DGKB: variants seen among roughly 807,000 people sequenced by gnomAD.
DGKB encodes the protein diacylglycerol kinase beta.
A neutral mutation model predicts 114.3 loss-of-function variants in DGKB; 67 were observed. That is an observed-to-expected ratio of 0.59 (90% CI 0.48 to 0.72). The LOEUF (loss-of-function observed/expected upper bound fraction) is 0.72. Ranked by LOEUF, DGKB falls within the 30% of genes least tolerant of loss-of-function variation. The pLI, the probability that DGKB is intolerant of heterozygous loss-of-function variation, is 0.00. For missense variants in DGKB, 907 were observed against 975.2 expected, an observed-to-expected ratio of 0.93 and a Z score of 0.93; for synonymous variants, 398 against 323.1, an observed-to-expected ratio of 1.23 and a Z score of -2.49.
intron 1 of DGKB, among the ~76,000 whole-genome samples, chr7:14,912,024 C>T (rs1784028265): frequency 6.6e-6 from 1 of 152,164 alleles, no homozygotes; most frequent in African/African-American, 2.4e-5. Context: ...TTGTTTGCTT[C>T]TACTCAGTGT....
chr7:14,371,015 A>G (rs1817542651), intron 21 of DGKB, among the ~76,000 whole-genome samples: 1 of 152,144 alleles, frequency 6.6e-6, no homozygotes, highest in South Asian at 2.1e-4. Context: ...TTATCACTGC[A>G]TAGTATTCCT....
chr7:14,710,893 C>G (rs573728674), intron 6 of DGKB, among the ~76,000 whole-genome samples: 11 of 152,100 alleles, frequency 7.2e-5, no homozygotes, highest in Admixed American at 2.0e-4. Flanking sequence ...ACATATATAA[C>G]TGTACTTGAT....
chr7:14,156,649 T>G (rs973612913), intron 25 of DGKB, among the ~76,000 whole-genome samples: 1 of 152,186 alleles, frequency 6.6e-6, no homozygotes, highest in African/African-American at 2.4e-5. Context: ...GGCCATAATT[T>G]GCTGACCCTT....
At chr7:14,509,970 T>C (rs1787737636) in intron 20 of DGKB, among the ~76,000 whole-genome samples, 1 of 152,114 alleles carries the variant, frequency 6.6e-6, no homozygotes, top group African/African-American at 2.4e-5. Context: ...GGTCAGGAGA[T>C]GGAGACCATC....
At chr7:14,934,540 A>G (rs1785181788) in intron 1 of DGKB, among the ~76,000 whole-genome samples, 1 of 152,130 alleles carries the variant, frequency 6.6e-6, no homozygotes, top group Non-Finnish European at 1.5e-5. Context: ...TACAAAGTAG[A>G]CTTCAAACTA....
chr7:14,453,066 T>G (rs186429401), intron 21 of DGKB, among the ~76,000 whole-genome samples: 1 of 152,186 alleles, frequency 6.6e-6, no homozygotes, highest in Non-Finnish European at 1.5e-5. Flanking sequence ...ACACATATAG[T>G]GATTACTACG....
At chr7:14,905,015 T>G (rs1345261805), upstream of DGKB, among the ~76,000 whole-genome samples, 1 of 152,152 alleles carries the variant, frequency 6.6e-6, no homozygotes, top group African/African-American at 2.4e-5. Flanking sequence ...TAGCAGGGTT[T>G]TCTTTTTGAT....
chr7:14,895,111 G>T (rs1003042663), intron 1 of DGKB, among the ~76,000 whole-genome samples: 1 of 151,536 alleles, frequency 6.6e-6, no homozygotes, highest in Non-Finnish European at 1.5e-5. Flanking sequence ...GGCAAGAGAA[G>T]TTACTAAGCA....
intron 21 of DGKB, among the ~76,000 whole-genome samples, chr7:14,376,363 C>T (rs1818483952): frequency 6.6e-6 from 1 of 152,178 alleles, no homozygotes; most frequent in Admixed American, 6.5e-5. Context: ...ATCCATCATG[C>T]TGTTTTTAAA....
intron 6 of DGKB, among the ~76,000 whole-genome samples, chr7:14,713,315 A>G (rs181737364): frequency 1.4e-3 from 219 of 152,238 alleles, no homozygotes; most frequent in Non-Finnish European, 2.5e-3. Context: ...TGTTATTAAT[A>G]TAAACAATGT....
intron 21 of DGKB, among the ~76,000 whole-genome samples, chr7:14,357,663 C>A (rs529998238): frequency 2.0e-5 from 3 of 152,122 alleles, no homozygotes; most frequent in African/African-American, 7.2e-5. Flanking sequence ...TTATTTTGCC[C>A]GTTAGTTGAT....
chr7:14,488,888 A>C (rs1318085053), intron 20 of DGKB, among the ~76,000 whole-genome samples: 1 of 150,872 alleles, frequency 6.6e-6, no homozygotes, highest in Admixed American at 6.6e-5. Flanking sequence ...CAACAACAAA[A>C]ATTATTTTCT....
In DGKB at chr7:14,823,434, A is replaced by G. The variant is rs73680332; in HGVS notation, c.70+17760T>C. 7.1e-3 allele frequency among the ~76,000 whole-genome samples: 1,088 copies of G among 152,212 alleles called. 15 individuals carry two copies. The highest frequency in any genetic ancestry group is 0.025 in the African/African-American group (1,055 of 41,556). On this transcript the variant is annotated intron_variant, in intron 2 of 25. Coordinates refer to ENST00000402815, the MANE Select transcript of DGKB (RefSeq NM_001350709.2). ...AGAGAAAACACAGTTATTGTAACATATTATTCAAGGTAAAAATCACTAAGA... is the reference window on the plus strand; with the variant it reads ...AGAGAAAACACAGTTATTGTAACATGTTATTCAAGGTAAAAATCACTAAGA...
chr7:14,471,443 C>G (rs1307560808), intron 21 of DGKB, among the ~76,000 whole-genome samples: 1 of 141,588 alleles, frequency 7.1e-6, no homozygotes, highest in Non-Finnish European at 1.5e-5. Context: ...TATATTTAGT[C>G]TTCAGTTCAA....
chr7:14,672,295 A>G (rs1052111280), intron 13 of DGKB, among the ~76,000 whole-genome samples: 3 of 152,096 alleles, frequency 2.0e-5, no homozygotes, highest in African/African-American at 7.2e-5. Context: ...TTAATTTTCA[A>G]AGTAATTTGG....
intron 2 of DGKB, among the ~76,000 whole-genome samples, chr7:14,828,248 G>C (rs772638635): frequency 6.6e-6 from 1 of 152,078 alleles, no homozygotes; most frequent in Non-Finnish European, 1.5e-5. Flanking sequence ...ATAGCCTAGT[G>C]CCAAGCTCTG....
chr7:14,552,036 G>C (rs1210847209), intron 20 of DGKB, among the ~76,000 whole-genome samples: 1 of 151,892 alleles, frequency 6.6e-6, no homozygotes, highest in Admixed American at 6.6e-5. Flanking sequence ...TCTCTTTTTG[G>C]AGGGCTAAAT....
chr7:14,567,594 G>GATATATAT (rs577240186), intron 20 of DGKB, among the ~76,000 whole-genome samples: 27 of 98,440 alleles, frequency 2.7e-4, no homozygotes, highest in African/African-American at 6.7e-4. Flanking sequence ...TATAAATAAA[G>GATATATAT]ATATATATAT....
chr7:14,974,059 G>A (rs1281232318), intron 1 of DGKB, among the ~76,000 whole-genome samples: 2 of 151,784 alleles, frequency 1.3e-5, no homozygotes, highest in Non-Finnish European at 2.9e-5. Context: ...ACATTACTGG[G>A]AAAATTGCCA....
Sources: allele counts gnomAD v4.1 joint callset (sites outside exome capture counted in the v4.1 genomes callset), GRCh38; gene constraint gnomAD v4.1.1; transcripts MANE v1.5; gene names NCBI Gene and HGNC (gene_info 2026-07-23, HGNC 2026-07-21).